The following ZNF141 variants were observed in gnomAD, a reference collection of about 807,000 sequenced individuals.
ZNF141 encodes zinc finger protein 141.
ZNF141 carries 7 observed loss-of-function variants against 11.3 expected under a neutral mutation model. That is an observed-to-expected ratio of 0.62 (90% CI 0.35 to 1.16). ZNF141 has a LOEUF of 1.16. Ranked by LOEUF, ZNF141 falls within the 50% of genes most tolerant of loss-of-function variation. The pLI, the probability that ZNF141 is intolerant of heterozygous loss-of-function variation, is 0.02. For missense variants in ZNF141, 535 were observed against 554.0 expected, an observed-to-expected ratio of 0.97 and a Z score of 0.34; for synonymous variants, 183 against 190.7, an observed-to-expected ratio of 0.96 and a Z score of 0.33.
chr4:344,102 C>T (rs1471614151), intron 2 of ZNF141, among the ~76,000 whole-genome samples, 194 bp downstream of exon 2: 1 of 152,164 alleles, frequency 6.6e-6, no homozygotes, highest in African/African-American at 2.4e-5. Context: ...TTTCCCACAT[C>T]TTAAAATCCA....
chr4:351,112 C>T (rs1328270558), intron 3 of ZNF141, among the ~76,000 whole-genome samples: 2 of 151,946 alleles, frequency 1.3e-5, no homozygotes, highest in Admixed American at 6.6e-5. Context: ...CTCCTGTTCC[C>T]ACTGTGTGAG....
chr4:374,459 A>G lies in ZNF141; in HGVS notation c.*597A>G, dbSNP rs1712262200. The G allele has an allele frequency of 3.0e-6, 1 of 333,232 alleles. No individual in the cohort carries two copies. The allele number at this position is 333,232 out of a possible 1,614,324, so 20.6% of individuals were successfully genotyped here. A position where few individuals can be genotyped will look rare whatever the true frequency, so the allele number is the denominator to read the frequency against. On this transcript the variant is annotated 3_prime_UTR_variant, in exon 4 of 4. Transcript: ENST00000240499. ...TTTATACCAGAGAGAAACCCTACAC[A>G]TGTAAAGAATGTGGCAAAGCCTTCA...
At chr4:340,393 A>G (rs537692407) in intron 1 of ZNF141, among the ~76,000 whole-genome samples, 6 of 152,340 alleles carry the variant, frequency 3.9e-5, no homozygotes, top group African/African-American at 1.4e-4. Context: ...TAGGATAGCG[A>G]TCAGTTTTTC....
intron 3 of ZNF141, among the ~76,000 whole-genome samples, chr4:352,967 C>T (rs1721675332): frequency 6.6e-6 from 1 of 152,104 alleles, no homozygotes; most frequent in Non-Finnish European, 1.5e-5. Context: ...TGGGTCTGAA[C>T]TTGTGGGGTC....
intron 3 of ZNF141, among the ~76,000 whole-genome samples, chr4:365,080 A>G (rs1005380113): frequency 1.3e-5 from 2 of 152,156 alleles, no homozygotes; most frequent in Non-Finnish European, 2.9e-5. Flanking sequence ...TGGCAGGTCA[A>G]TCTCAGACTG....
Position 384,106 on chromosome 4 carries a change from G to T in ZNF141, c.*10244G>T, listed in dbSNP as rs782584819. On this transcript the variant is annotated 3_prime_UTR_variant, in exon 4 of 4. Coordinates refer to ENST00000240499, the MANE Select transcript of ZNF141 (RefSeq NM_003441.4). The stretch of plus-strand genomic sequence containing the variant: ...CAGGTATATGTGGATGCATGTGATT[G>T]GTACTTAAACTCACACAGTGCCCCA... The T allele has an allele frequency of 1.3e-5, 2 of 152,190 alleles. No homozygotes were observed. The highest frequency in any genetic ancestry group is 2.9e-5 in the Non-Finnish European group (2 of 68,060). 9.4% of individuals were successfully genotyped at this position (152,190 alleles called of 1,614,324 possible). A position where few individuals can be genotyped will look rare whatever the true frequency, so the allele number is the denominator to read the frequency against.
chr4:339,521 A>G (rs11729526), intron 1 of ZNF141, among the ~76,000 whole-genome samples: 30,001 of 152,216 alleles, frequency 0.2, 3,270 homozygotes, highest in South Asian at 0.26. Context: ...GTTCAAGACC[A>G]TGCCTTTAGA....
intron 3 of ZNF141, among the ~76,000 whole-genome samples, chr4:349,199 C>T (rs1320452247): frequency 2.0e-5 from 3 of 150,946 alleles, no homozygotes; most frequent in Admixed American, 6.6e-5. Flanking sequence ...TTTCAGAGCC[C>T]AAGGCAGTTG....
chr4:359,433 G>C lies in ZNF141; in HGVS notation c.227-13231G>C, dbSNP rs558750254. Among the ~76,000 whole-genome samples the C allele has an allele frequency of 2.6e-5, 4 of 152,328 alleles. No homozygotes were observed. The South Asian group carries it at 8.3e-4, about 32-fold the overall frequency. ...CTAGTCATTGGACAGGTTTCTAGAT[G>C]ACCGTTACTGAGCGTTGATCACAGC... is the stretch of plus-strand genomic sequence containing the variant. On this transcript the variant is annotated intron_variant, in intron 3 of 3. Transcript: ENST00000240499.
At chr4:342,582 C>G (rs1216517668) in intron 1 of ZNF141, among the ~76,000 whole-genome samples, 1 of 152,124 alleles carries the variant, frequency 6.6e-6, no homozygotes, top group Non-Finnish European at 1.5e-5. Flanking sequence ...TACAGTGAGG[C>G]CTACAATATC....
Position 353,923 on chromosome 4 carries a change from C to T in ZNF141, c.226+9493C>T, listed in dbSNP as rs556358654. 8.5e-5 allele frequency among the ~76,000 whole-genome samples: 13 copies of T among 152,316 alleles called. No homozygotes were observed. In the South Asian group the frequency reaches 2.5e-3, roughly 29 times the overall value. The stretch of plus-strand genomic sequence containing the variant: ...TGATTTCTGCTCATTCACACACATG[C>T]ACGCTAAGCAATGGTATGGCCGTGC... On this transcript the variant is annotated intron_variant, in intron 3 of 3. Transcript: ENST00000240499.
At chr4:363,308 T>A (rs1315083498) in intron 3 of ZNF141, among the ~76,000 whole-genome samples, 3 of 152,288 alleles carry the variant, frequency 2.0e-5, no homozygotes. Context: ...CACAATCATG[T>A]CATCTGCAAA....
At chr4:348,154 T>G in intron 3 of ZNF141, among the ~76,000 whole-genome samples, 1 of 152,164 alleles carries the variant, frequency 6.6e-6, no homozygotes, top group Admixed American at 6.6e-5. Flanking sequence ...GGATATTAAC[T>G]TATCAGATAT....
rs1313033277 is a variant in ZNF141, at chr4:374,979, T to A, written c.*1117T>A. On this transcript the variant is annotated 3_prime_UTR_variant, in exon 4 of 4. Transcript: ENST00000240499. Reference sequence around the variant, plus strand: ...GCAAAGCCTTCAAATGCTTGTCACATCTTACTGTATATATATAATTCCTAC... The same window carrying A: ...GCAAAGCCTTCAAATGCTTGTCACAACTTACTGTATATATATAATTCCTAC... 3 of 152,158 alleles carry A rather than the reference T, an allele frequency of 2.0e-5. No homozygotes were observed. The highest frequency in any genetic ancestry group is 7.2e-5 in the African/African-American group (3 of 41,448). The allele number at this position is 152,158 out of a possible 1,614,324, so 9.4% of individuals were successfully genotyped here.
At chr4:345,729 CAAA>C (rs1321182710) in intron 3 of ZNF141, among the ~76,000 whole-genome samples, 3 of 64,602 alleles carry the variant, frequency 4.6e-5, no homozygotes, top group East Asian at 5.0e-4. Context: ...ACTCTGTCTC[CAAA>C]AAAAAAAAAA....
At chr4:366,249 T>C (rs1711735212) in intron 3 of ZNF141, among the ~76,000 whole-genome samples, 1 of 152,218 alleles carries the variant, frequency 6.6e-6, no homozygotes, top group Non-Finnish European at 1.5e-5. Context: ...TAATGTTTTT[T>C]CAATTCATGA....
intron 3 of ZNF141, chr4:358,388 G>A: frequency 3.3e-6 from 1 of 303,872 alleles, no homozygotes; most frequent in Non-Finnish European, 6.4e-6. Context: ...GTTTCACCAT[G>A]TTGGCCAGGC....
rs1712260368 is a variant in ZNF141, at chr4:374,438, T to G, written c.*576T>G. ...ACTTTGTTAAACATAAGAGAATTTATACCAGAGAGAAACCCTACACATGTA... is the reference window on the plus strand; with the variant it reads ...ACTTTGTTAAACATAAGAGAATTTAGACCAGAGAGAAACCCTACACATGTA... On this transcript the variant is annotated 3_prime_UTR_variant, in exon 4 of 4. Coordinates refer to ENST00000240499, the MANE Select transcript of ZNF141 (RefSeq NM_003441.4). The G allele has an allele frequency of 5.6e-6, 2 of 359,088 alleles. No individual in the cohort carries two copies. Among genetic ancestry groups the G allele is most frequent in the Non-Finnish European group, 1.1e-5 (2 of 176,314 alleles). 22.2% of individuals were successfully genotyped at this position (359,088 alleles called of 1,614,324 possible). A position where few individuals can be genotyped will look rare whatever the true frequency, so the allele number is the denominator to read the frequency against.
intron 3 of ZNF141, among the ~76,000 whole-genome samples, chr4:349,472 T>G (rs1721489941): frequency 6.6e-6 from 1 of 152,252 alleles, no homozygotes; most frequent in Non-Finnish European, 1.5e-5. Context: ...TCTAATTGTT[T>G]TGATACAAAC....
Sources: allele counts gnomAD v4.1 joint callset (sites outside exome capture counted in the v4.1 genomes callset), GRCh38; gene constraint gnomAD v4.1.1; transcripts MANE v1.5; gene names NCBI Gene and HGNC (gene_info 2026-07-23, HGNC 2026-07-21).